Variants in DCDC1 observed in about 807,000 individuals in gnomAD.
DCDC1 encodes doublecortin domain-containing protein 1.
DCDC1 carries 200 observed loss-of-function variants against 178.3 expected under a neutral mutation model. The observed-to-expected ratio is 1.12, with a 90% confidence interval of 1.00 to 1.26. DCDC1 has a LOEUF of 1.26. Among genes scored for constraint, DCDC1 ranks in the 50% most tolerant of loss-of-function variants. The pLI is 0.00. For missense variants in DCDC1, 1,983 were observed against 1,749.2 expected (o/e 1.13, Z -2.38); for synonymous variants, 690 against 604.8 (o/e 1.14, Z -2.07).
intron 9 of DCDC1, among the ~76,000 whole-genome samples, chr11:31,182,038 C>T (rs558925969): frequency 6.6e-6 from 1 of 151,954 alleles, no homozygotes; most frequent in African/African-American, 2.4e-5. Context: ...AACAACATTA[C>T]AGAAAAAAAG....
chr11:31,299,601 T>C (rs1050277125), intron 6 of DCDC1, among the ~76,000 whole-genome samples: 3 of 152,214 alleles, frequency 2.0e-5, no homozygotes, highest in Non-Finnish European at 2.9e-5. Flanking sequence ...TATACATAAC[T>C]ACTTGGCAGG....
chr11:30,954,970 A>G (rs1197208111), intron 20 of DCDC1, among the ~76,000 whole-genome samples: 1 of 152,254 alleles, frequency 6.6e-6, no homozygotes, highest in Non-Finnish European at 1.5e-5. Context: ...AGAAATGGAA[A>G]GTTCATTAAT....
intron 9 of DCDC1, among the ~76,000 whole-genome samples, chr11:31,231,759 A>G (rs946435104): frequency 6.6e-6 from 1 of 152,220 alleles, no homozygotes; most frequent in Non-Finnish European, 1.5e-5. Context: ...CAAAAGGCTG[A>G]GCGTTGCCTA....
chr11:31,009,025 A>G (rs1410517926), intron 20 of DCDC1, among the ~76,000 whole-genome samples: 3 of 152,202 alleles, frequency 2.0e-5, no homozygotes, highest in Admixed American at 6.5e-5. Flanking sequence ...CAGGGTATAT[A>G]GAAATAAAAA....
At position 31,306,278 on chromosome 11, in the gene DCDC1, C is replaced by G; in HGVS notation, c.545G>C (p.Gly182Ala). ...AACTCTGGCAAAGACTGTTCTAGATCCATTTTTGTAAGCTGTTACTTTAAT... is the reference window on the plus strand; with the variant it reads ...AACTCTGGCAAAGACTGTTCTAGATGCATTTTTGTAAGCTGTTACTTTAAT... ...RVIKVTAYKN[G>A]SRTVFARVTV... The change falls in exon 5 of 39, where the codon GGA becomes GCA. Residue 182 changes from glycine (G) to alanine (A), a missense_variant. Transcript: ENST00000684477. 1 of 1,608,606 alleles carries G rather than the reference C, an allele frequency of 6.2e-7. No individual in the cohort carries two copies. The highest frequency in any genetic ancestry group is 8.5e-7 in the Non-Finnish European group (1 of 1,177,254).
intron 2 of DCDC1, among the ~76,000 whole-genome samples, chr11:31,334,753 G>C (rs1390699683): frequency 6.6e-6 from 1 of 152,144 alleles, no homozygotes; most frequent in Admixed American, 6.5e-5. Context: ...AAATACTGCT[G>C]CCTGATCCTT....
chr11:31,110,307 C>A lies in DCDC1; in HGVS notation c.1540G>T (p.Asp514Tyr). 1.4e-6 allele frequency: 1 copy of A among 712,932 alleles called. No homozygotes were observed. Among genetic ancestry groups the A allele is most frequent in the Non-Finnish European group, 2.6e-6 (1 of 388,546 alleles). The allele number at this position is 712,932 out of a possible 1,614,324, so 44.2% of individuals were successfully genotyped here. Residue 514 changes from aspartate to tyrosine, a missense_variant, in exon 12 of 39, where the codon GAT becomes TAT. Asp to Tyr is a radical substitution (Grantham distance 160). Coordinates refer to ENST00000684477, the MANE Select transcript of DCDC1 (RefSeq NM_001387274.1). The part of the protein sequence containing the change: ...GEISVGISKK[D>Y]LGSDSPIQTD... ...TGAATTGGGCTATCCGATCCCAAAT[C>A]TTTTTTACTGATACCAACAGAGATC...
intron 6 of DCDC1, among the ~76,000 whole-genome samples, 157 bp from the exon 7 acceptor site, chr11:31,291,009 T>A (rs1947191304): frequency 6.6e-6 from 1 of 152,068 alleles, no homozygotes; most frequent in African/African-American, 2.4e-5. Flanking sequence ...TCTTACTAAC[T>A]GTGACATAAG....
chr11:31,249,023 T>C (rs1469217645), intron 8 of DCDC1, among the ~76,000 whole-genome samples: 4 of 152,112 alleles, frequency 2.6e-5, no homozygotes, highest in Non-Finnish European at 5.9e-5. Context: ...AGGGTCAGAA[T>C]AGGATTTTTG....
intron 7 of DCDC1, among the ~76,000 whole-genome samples, chr11:31,277,555 C>T (rs923856597): frequency 1.3e-5 from 2 of 152,062 alleles, no homozygotes; most frequent in African/African-American, 2.4e-5. Context: ...ATAAGATTTG[C>T]TATTTCTCCA....
chr11:31,198,954 G>GA (rs1001222892), intron 9 of DCDC1, among the ~76,000 whole-genome samples: 18 of 151,678 alleles, frequency 1.2e-4, no homozygotes, highest in South Asian at 2.1e-4. Flanking sequence ...TTACTAAAGG[G>GA]AAAAAACATG....
intron 9 of DCDC1, among the ~76,000 whole-genome samples, chr11:31,148,210 TA>T (rs55829692): frequency 0.32 from 30,824 of 95,986 alleles, 3,014 homozygotes; most frequent in Middle Eastern, 0.39. Flanking sequence ...TTTATTATTA[TA>T]AAAAAAAAAA....
In DCDC1 at chr11:31,315,271, A is replaced by ACCACATTG; in HGVS notation, c.165-7371_165-7364dup. 2.8e-5 allele frequency among the ~76,000 whole-genome samples: 4 copies of ACCACATTG among 142,102 alleles called. 1 individual carries two copies. In the Middle Eastern group the frequency reaches 0.016, roughly 564 times the overall value. 93.2% of individuals were successfully genotyped at this position (142,102 alleles called of 152,430 possible). A position where few individuals can be genotyped will look rare whatever the true frequency, so the allele number is the denominator to read the frequency against. ...TGTAATATCCCTCAGCTATAACTAC[A>ACCACATTG]CCACATTGCCTTCCATAGTTCCTAT... On this transcript the variant is annotated intron_variant, in intron 3 of 38. Transcript: ENST00000684477.
At chr11:31,251,844 G>A (rs1417863254) in intron 8 of DCDC1, among the ~76,000 whole-genome samples, 1 of 152,098 alleles carries the variant, frequency 6.6e-6, no homozygotes, top group African/African-American at 2.4e-5. Context: ...ATAAGGTACT[G>A]GGGCATGAAG....
chr11:31,138,016 C>A (rs1963364832), intron 9 of DCDC1, among the ~76,000 whole-genome samples: 1 of 152,082 alleles, frequency 6.6e-6, no homozygotes, highest in South Asian at 2.1e-4. Context: ...TGACTTAGGG[C>A]AAGAGTGTCC....
chr11:31,152,590 G>T (rs1398600811), intron 9 of DCDC1, among the ~76,000 whole-genome samples: 1 of 152,198 alleles, frequency 6.6e-6, no homozygotes, highest in African/African-American at 2.4e-5. Context: ...TCCTGAGGCA[G>T]TCTGTCATCT....
chr11:31,085,291 C>G (rs1284972678), intron 17 of DCDC1, among the ~76,000 whole-genome samples: 2 of 151,634 alleles, frequency 1.3e-5, no homozygotes, highest in African/African-American at 4.8e-5. Flanking sequence ...TCTGTGCAAG[C>G]AACACAACAA....
At chr11:31,182,970 G>C (rs1969010491) in intron 9 of DCDC1, among the ~76,000 whole-genome samples, 2 of 151,832 alleles carry the variant, frequency 1.3e-5, no homozygotes, top group Non-Finnish European at 2.9e-5. Flanking sequence ...TGATAAAACA[G>C]ACTTTAAACC....
At chr11:31,218,729 G>A (rs115661726) in intron 9 of DCDC1, among the ~76,000 whole-genome samples, 4 of 152,100 alleles carry the variant, frequency 2.6e-5, no homozygotes, top group Non-Finnish European at 4.4e-5. Flanking sequence ...TCTAAGTAAC[G>A]TTAATATTTC....
Sources: allele counts gnomAD v4.1 joint callset (sites outside exome capture counted in the v4.1 genomes callset), GRCh38; gene constraint gnomAD v4.1.1; transcripts MANE v1.5; gene names NCBI Gene and HGNC (gene_info 2026-07-23, HGNC 2026-07-21).